RNF150: variants seen among roughly 807,000 people sequenced by gnomAD.
The protein encoded by RNF150 is ring finger protein 150.
In RNF150, 24 loss-of-function variants were observed where a neutral mutation model predicts 39.3. The ratio of observed to expected loss-of-function variants is 0.61; its 90% CI spans 0.44 to 0.86. RNF150 has a LOEUF of 0.86. Among genes scored for constraint, RNF150 ranks in the 40% least tolerant of loss-of-function variants. The pLI, the probability that RNF150 is intolerant of heterozygous loss-of-function variation, is 0.00. For synonymous variants in RNF150, 255 were observed against 227.3 expected (o/e 1.12, Z -1.10); for missense variants, 502 against 587.8 (o/e 0.85, Z 1.51).
At chr4:140,890,598 T>G (rs1400340931) in intron 6 of RNF150, among the ~76,000 whole-genome samples, 1 of 152,204 alleles carries the variant, frequency 6.6e-6, no homozygotes, top group Non-Finnish European at 1.5e-5. Flanking sequence ...GTTCACTCTC[T>G]CATCTCACCA....
intron 6 of RNF150, among the ~76,000 whole-genome samples, chr4:140,910,504 T>C (rs980874892): frequency 6.6e-6 from 1 of 152,196 alleles, no homozygotes; most frequent in African/African-American, 2.4e-5. Flanking sequence ...ATTTAGTGAC[T>C]GTCTATGTAT....
At chr4:140,943,729 G>T (rs1242893268) in intron 4 of RNF150, among the ~76,000 whole-genome samples, 1 of 152,120 alleles carries the variant, frequency 6.6e-6, no homozygotes, top group African/African-American at 2.4e-5. Context: ...GCACACAGTT[G>T]CTACAAAATG....
intron 1 of RNF150, among the ~76,000 whole-genome samples, chr4:140,972,265 T>C (rs1266823047): frequency 2.0e-5 from 3 of 152,140 alleles, no homozygotes; most frequent in African/African-American, 7.2e-5. Context: ...CAAAATACCA[T>C]ATAAATGTAA....
intron 4 of RNF150, among the ~76,000 whole-genome samples, chr4:140,942,218 A>T (rs182500305): frequency 4.7e-4 from 71 of 152,350 alleles, no homozygotes; most frequent in Admixed American, 4.5e-3. Context: ...CAACCCCCAC[A>T]CAGCTCCAGG....
chr4:141,128,742 C>T (rs979553547), intron 1 of RNF150, among the ~76,000 whole-genome samples: 6 of 152,034 alleles, frequency 3.9e-5, no homozygotes, highest in African/African-American at 1.5e-4. Context: ...GAAGCAGATT[C>T]TCTCTATTAA....
chr4:141,061,973 C>T (rs1042782094), intron 1 of RNF150, among the ~76,000 whole-genome samples: 2 of 152,066 alleles, frequency 1.3e-5, no homozygotes, highest in African/African-American at 2.4e-5. Context: ...GAGAATAAAT[C>T]TGATAATTAT....
At chr4:140,907,042 T>A (rs984840) in intron 6 of RNF150, among the ~76,000 whole-genome samples, 101,834 of 151,726 alleles carry the variant, frequency 0.67, 35,974 homozygotes, top group Non-Finnish European at 0.78. Flanking sequence ...TGTCTTTCTC[T>A]CACTTCTCTC....
chr4:140,886,048 G>A (rs527707260), intron 6 of RNF150, among the ~76,000 whole-genome samples: 6 of 151,992 alleles, frequency 3.9e-5, no homozygotes, highest in Non-Finnish European at 5.9e-5. Context: ...AAAATTAGCC[G>A]GGCGTGGTGG....
At chr4:141,038,142 T>C (rs1273896313) in intron 1 of RNF150, among the ~76,000 whole-genome samples, 1 of 152,144 alleles carries the variant, frequency 6.6e-6, no homozygotes, top group Non-Finnish European at 1.5e-5. Context: ...CCTAAAGGGC[T>C]CCAGGTGGAG....
chr4:141,060,854 C>A (rs1286695980), intron 1 of RNF150, among the ~76,000 whole-genome samples: 1 of 152,042 alleles, frequency 6.6e-6, no homozygotes, highest in African/African-American at 2.4e-5. Flanking sequence ...ATGGATGAAG[C>A]CAGAAACCAT....
In RNF150 at chr4:140,893,571, A is replaced by G. The variant is rs77418243; in HGVS notation, c.1198+17573T>C. Among the ~76,000 whole-genome samples, 516 of 152,242 alleles carry G rather than the reference A, an allele frequency of 3.4e-3. 25 individuals carry two copies. In the East Asian group the frequency reaches 0.086, roughly 25 times the overall value. ...TTCCTGCTCTTTCCAACTCCACCTT[A>G]TTAGGTACCTTTTAAGATCATTTTC... On this transcript the variant is annotated intron_variant, in intron 6 of 6. Coordinates refer to ENST00000515673, the MANE Select transcript of RNF150 (RefSeq NM_020724.2).
intron 1 of RNF150, among the ~76,000 whole-genome samples, chr4:141,017,755 T>A (rs959878596): frequency 1.2e-4 from 18 of 152,230 alleles, no homozygotes; most frequent in African/African-American, 4.3e-4. Flanking sequence ...TTGTATGTAA[T>A]CTTTTCATAT....
rs4956486 is a variant in RNF150 at position 140,860,837 on chromosome 4, T to G, written c.*7424A>C. On this transcript the variant is annotated 3_prime_UTR_variant, in exon 7 of 7. Transcript: ENST00000515673. ...TTTGCAACTGGCAATTGCTGGTTAT[T>G]GTCTGCAGTCTACAAAACTGAGTAT... 0.98 allele frequency: 149,243 copies of G among 152,200 alleles called. 73,223 individuals carry two copies. The highest frequency in any genetic ancestry group is 1 in the East Asian group (5,170 of 5,170). The allele number at this position is 152,200 out of a possible 1,614,324, so 9.4% of individuals were successfully genotyped here.
intron 2 of RNF150, among the ~76,000 whole-genome samples, chr4:140,952,633 G>C (rs903555337): frequency 2.6e-5 from 4 of 152,150 alleles, no homozygotes; most frequent in African/African-American, 9.7e-5. Context: ...GCAAACTGAC[G>C]TTAAGGTGAC....
intron 1 of RNF150, among the ~76,000 whole-genome samples, chr4:141,005,839 C>A (rs1309657126): frequency 7.7e-6 from 1 of 130,102 alleles, no homozygotes; most frequent in Admixed American, 7.6e-5. Context: ...GAGGCCGAGG[C>A]GGGCGGATCA....
At chr4:140,928,842 G>A (rs1001297033) in intron 4 of RNF150, among the ~76,000 whole-genome samples, 6 of 152,110 alleles carry the variant, frequency 3.9e-5, no homozygotes, top group Non-Finnish European at 8.8e-5. Context: ...CACCGCGCCC[G>A]GCCCTGTATC....
rs151083669 is a variant in RNF150, at chr4:141,184,255, C to T, written c.-6+28539G>A. ...GTTTTGATTTGCATTTCTCTAATGA[C>T]CAGTAATGATGAGCCTTTTTCCATG... On this transcript the variant is annotated intron_variant, in intron 1 of 7. Transcript: ENST00000420921. Among the ~76,000 whole-genome samples the T allele has an allele frequency of 7.0e-3, 1,063 of 152,294 alleles. 11 individuals carry two copies. Among genetic ancestry groups the T allele is most frequent in the African/African-American group, 0.024 (1,017 of 41,562 alleles).
intron 1 of RNF150, among the ~76,000 whole-genome samples, chr4:141,035,368 C>T (rs1443780231): frequency 6.6e-6 from 1 of 152,152 alleles, no homozygotes. Flanking sequence ...TCACAGCCTT[C>T]AACATCAGGC....
intron 1 of RNF150, among the ~76,000 whole-genome samples, chr4:141,095,595 T>C (rs1390911472): frequency 6.6e-6 from 1 of 152,234 alleles, no homozygotes; most frequent in African/African-American, 2.4e-5. Flanking sequence ...AAAATTAACC[T>C]GTTTGGTTGC....
Sources: allele counts gnomAD v4.1 joint callset (sites outside exome capture counted in the v4.1 genomes callset), GRCh38; gene constraint gnomAD v4.1.1; transcripts MANE v1.5; gene names NCBI Gene and HGNC (gene_info 2026-07-23, HGNC 2026-07-21).